COL23A1: variants seen among roughly 807,000 people sequenced by gnomAD.
COL23A1 encodes collagen type XXIII alpha 1 chain.
A neutral mutation model predicts 99.3 loss-of-function variants in COL23A1; 97 were observed. The observed-to-expected ratio is 0.98, with a 90% CI of 0.83 to 1.16. COL23A1 has a LOEUF of 1.16. Among genes scored for constraint, COL23A1 ranks in the 50% most tolerant of loss-of-function variants. The probability of loss-of-function intolerance (pLI) is 0.00; values close to 1 mark genes in which losing one functional copy is unlikely to be tolerated. For missense variants in COL23A1, 762 were observed against 757.4 expected (o/e 1.01, Z -0.07); for synonymous variants, 320 against 308.2 (o/e 1.04, Z -0.40).
At chr5:178,293,870 C>G (rs1757590582) in intron 3 of COL23A1, among the ~76,000 whole-genome samples, 1 of 151,990 alleles carries the variant, frequency 6.6e-6, no homozygotes, top group Non-Finnish European at 1.5e-5. Context: ...GAGGGACAGG[C>G]TGTTGTCAGA....
chr5:178,472,564 T>G (rs1333555874), intron 2 of COL23A1, among the ~76,000 whole-genome samples: 2 of 126,408 alleles, frequency 1.6e-5, no homozygotes, highest in African/African-American at 5.7e-5. Context: ...ATTAATAATA[T>G]TAGCAACGGC....
chr5:178,445,268 T>A (rs1333927316), intron 2 of COL23A1, among the ~76,000 whole-genome samples: 3 of 152,246 alleles, frequency 2.0e-5, no homozygotes, highest in Non-Finnish European at 4.4e-5. Context: ...TTGTACTAAA[T>A]TATTTTTTAT....
At chr5:178,345,007 A>G (rs1760882044) in intron 2 of COL23A1, 1 of 576,606 alleles carries the variant, frequency 1.7e-6, no homozygotes, top group Non-Finnish European at 3.4e-6. Flanking sequence ...GTCCACCCTC[A>G]TGAAGCTGAG....
intron 2 of COL23A1, among the ~76,000 whole-genome samples, chr5:178,555,580 T>C (rs190712711): frequency 6.6e-6 from 1 of 152,242 alleles, no homozygotes; most frequent in East Asian, 1.9e-4. Flanking sequence ...CACTAAAAAT[T>C]TCCTTTTTCG....
chr5:178,288,632 A>C, intron 4 of COL23A1: 1 of 560,420 alleles, frequency 1.8e-6, no homozygotes. Flanking sequence ...CATAGGGTAA[A>C]TGCCACGTGG....
chr5:178,386,678 G>A (rs761350670), intron 2 of COL23A1, among the ~76,000 whole-genome samples: 7 of 152,264 alleles, frequency 4.6e-5, no homozygotes, highest in Non-Finnish European at 7.4e-5. Flanking sequence ...CCCGGTGGGA[G>A]GGAAGCGTTA....
intron 27 of COL23A1, 149 bp from the exon 28 acceptor site, chr5:178,239,328 T>C: frequency 1.2e-6 from 1 of 814,228 alleles, no homozygotes; most frequent in Non-Finnish European, 2.1e-6. Context: ...GCACAATGCC[T>C]CCTCTGTCCA....
At chr5:178,302,707 G>T (rs577655790) in intron 3 of COL23A1, among the ~76,000 whole-genome samples, 1 of 152,172 alleles carries the variant, frequency 6.6e-6, no homozygotes, top group Non-Finnish European at 1.5e-5. Flanking sequence ...TATTTTTATT[G>T]TAAGTTTTCA....
Position 178,387,989 on chromosome 5 carries a change from C to T in COL23A1, c.362-81070G>A, listed in dbSNP as rs1040782602. The stretch of plus-strand genomic sequence containing the variant: ...GGAGATTGATGCAGAAAGCCCCCCG[C>T]CACCATGGCCACCGCCCACCGACAC... On this transcript the variant is annotated intron_variant, in intron 2 of 28. Coordinates refer to ENST00000390654, the MANE Select transcript of COL23A1 (RefSeq NM_173465.4). This position sits in a 1 kb window ranked among gnomAD's most constrained non-coding sequence, Gnocchi z 4.7. Among the ~76,000 whole-genome samples, 5 of 152,022 alleles carry T rather than the reference C, an allele frequency of 3.3e-5. No homozygotes were observed. Among genetic ancestry groups the T allele is most frequent in the Non-Finnish European group, 5.9e-5 (4 of 67,994 alleles).
At chr5:178,471,462 C>G (rs181440928) in intron 2 of COL23A1, among the ~76,000 whole-genome samples, 9 of 152,248 alleles carry the variant, frequency 5.9e-5, no homozygotes, top group Non-Finnish European at 1.2e-4. Context: ...TGGTCTTGAA[C>G]TCCTGACCTC....
chr5:178,515,065 A>G (rs1236065299), intron 2 of COL23A1, among the ~76,000 whole-genome samples: 1 of 152,250 alleles, frequency 6.6e-6, no homozygotes, highest in Non-Finnish European at 1.5e-5. Flanking sequence ...GCAGGTTGGA[A>G]TGGATCCCAC....
chr5:178,251,618 G>C lies in COL23A1; in HGVS notation c.1014+926C>G, dbSNP rs1178511837. Among the ~76,000 whole-genome samples the C allele has an allele frequency of 5.9e-5, 9 of 152,280 alleles. No homozygotes were observed. The East Asian group carries it at 1.2e-3, about 20-fold the overall frequency. On this transcript the variant is annotated intron_variant, in intron 17 of 28. Transcript: ENST00000390654. ...TTAGATTCAGGGGGTACACGGGCAG[G>C]GTTGTCACATGGGATTGCACGATGC...
At chr5:178,492,062 CAATT>C (rs1757962076) in intron 2 of COL23A1, among the ~76,000 whole-genome samples, 1 of 152,120 alleles carries the variant, frequency 6.6e-6, no homozygotes, top group South Asian at 2.1e-4. Context: ...ATATTCAATT[CAATT>C]AATACAAATC....
At chr5:178,371,584 T>C (rs894749239) in intron 2 of COL23A1, among the ~76,000 whole-genome samples, 85 of 152,268 alleles carry the variant, frequency 5.6e-4, no homozygotes, top group African/African-American at 2.0e-3. Flanking sequence ...AGGGGCACTG[T>C]CACCAACCCC....
chr5:178,577,739 C>T (rs1763454440), intron 1 of COL23A1, among the ~76,000 whole-genome samples: 1 of 152,258 alleles, frequency 6.6e-6, no homozygotes, highest in African/African-American at 2.4e-5. Context: ...CTCACCAAGA[C>T]CAGCGAGGCG....
chr5:178,304,569 G>T lies in COL23A1; in HGVS notation c.406+2306C>A, dbSNP rs372982291. On this transcript the variant is annotated intron_variant, in intron 3 of 28. Coordinates refer to ENST00000390654, the MANE Select transcript of COL23A1 (RefSeq NM_173465.4). ...CAAGAGACACAGGAAAAAGGCCTCCGGCCTCCTTATACAAGGGAAGGCATG... is the reference window on the plus strand; with the variant it reads ...CAAGAGACACAGGAAAAAGGCCTCCTGCCTCCTTATACAAGGGAAGGCATG... 2.7e-5 allele frequency among the ~76,000 whole-genome samples: 4 copies of T among 150,318 alleles called. No individual in the cohort carries two copies. In the East Asian group the frequency reaches 7.9e-4, roughly 30 times the overall value.
chr5:178,301,288 C>T (rs1023921710), intron 3 of COL23A1, among the ~76,000 whole-genome samples: 1 of 152,142 alleles, frequency 6.6e-6, no homozygotes, highest in Admixed American at 6.5e-5. Context: ...TTAAAAAATA[C>T]TTTTGATCTG....
rs563704458 is a variant in COL23A1, at chr5:178,310,994, C to T, written c.362-4075G>A. On this transcript the variant is annotated intron_variant, in intron 2 of 28. Transcript: ENST00000390654. This position sits in a 1 kb window ranked among gnomAD's most constrained non-coding sequence, Gnocchi z 4.3. ...CAAGGGATAGGACAGGTCTTGCCCACGGATGCTGCTGGAAAACTTGTCCCA... is the reference window on the plus strand; with the variant it reads ...CAAGGGATAGGACAGGTCTTGCCCATGGATGCTGCTGGAAAACTTGTCCCA... Among the ~76,000 whole-genome samples the T allele has an allele frequency of 5.6e-4, 86 of 152,232 alleles. No individual in the cohort carries two copies. Among genetic ancestry groups the T allele is most frequent in the African/African-American group, 1.9e-3 (77 of 41,532 alleles).
chr5:178,243,631 T>C (rs1034558870), intron 25 of COL23A1, among the ~76,000 whole-genome samples: 4 of 152,102 alleles, frequency 2.6e-5, no homozygotes, highest in Non-Finnish European at 5.9e-5. Context: ...GTGGTGGGAT[T>C]CTGGAGGGAA....
Sources: gnomAD v4.1 joint callset for allele counts (sites outside exome capture counted in the v4.1 genomes callset) on GRCh38, gnomAD v4.1.1 for gene constraint, Gnocchi (gnomAD v3.1) non-coding constraint, MANE v1.5 for transcripts, NCBI Gene and HGNC (gene_info 2026-07-23, HGNC 2026-07-21) for gene names.